Variants in SPC24 observed in about 807,000 individuals in gnomAD.
SPC24 encodes the protein kinetochore protein Spc24.
In SPC24, 31 loss-of-function variants were observed where a neutral mutation model predicts 27.6. The observed-to-expected ratio is 1.12, with a 90% CI of 0.84 to 1.52. The LOEUF is 1.52. SPC24 is among the 40% of genes most tolerant of loss of function. SPC24 has a pLI of 0.00. For synonymous variants in SPC24, 105 were observed against 105.8 expected (o/e 0.99, Z 0.05); for missense variants, 284 against 252.5 (o/e 1.12, Z -0.84).
intron 1 of SPC24, among the ~76,000 whole-genome samples, chr19:11,151,801 T>G (rs2421206): frequency 0.28 from 42,268 of 150,970 alleles, 7,084 homozygotes; most frequent in South Asian, 0.42. Context: ...CCGGAGACGG[T>G]GTTTCACCAT....
At position 11,147,873 on chromosome 19, in the gene SPC24, G is replaced by A. The variant is rs2077838536; in HGVS notation, c.432C>T (p.His144=). ...PSAVYVAQLY[H]QVSKIEWDYE... ...AATCCCACTCAATTTTACTAACTTGGTGGTAAAGTTGAGCCACGTACCTGT... is the reference window on the plus strand; with the variant it reads ...AATCCCACTCAATTTTACTAACTTGATGGTAAAGTTGAGCCACGTACCTGT... Residue 144 remains histidine (H), a synonymous_variant, in exon 4 of 5, where the codon CAC becomes CAT. Transcript: ENST00000592540. 1.9e-6 allele frequency: 3 copies of A among 1,599,044 alleles called. No individual in the cohort carries two copies. Among genetic ancestry groups the A allele is most frequent in the Non-Finnish European group, 2.6e-6 (3 of 1,172,272 alleles).
At chr19:11,154,785 C>T (rs1339490919) in intron 1 of SPC24, among the ~76,000 whole-genome samples, 1 of 152,042 alleles carries the variant, frequency 6.6e-6, no homozygotes, top group East Asian at 1.9e-4. Context: ...TTCATGGGGA[C>T]AGAGCTTCAG....
At position 11,155,728 on chromosome 19, in the gene SPC24, G is replaced by T. The variant is rs766995641; in HGVS notation, c.49C>A (p.Leu17Met). ...GCCTCCGCGCGGTTGGCGCCCAGCA[G>T]GCTGAGCAGCCCCTGGCTCACCTCC... ...IEEVSQGLLS[L>M]LGANRAEAQQ... Residue 17 changes from leucine (L) to methionine (M), a missense_variant, in exon 1 of 5, where the codon CTG becomes ATG. Transcript: ENST00000592540. 6.3e-7 allele frequency: 1 copy of T among 1,580,590 alleles called. No individual in the cohort carries two copies. The highest frequency in any genetic ancestry group is 1.4e-5 in the African/African-American group (1 of 73,890).
rs1348449055 is a variant in SPC24 at position 11,146,780 on chromosome 19, A to T, written c.*403T>A. The stretch of plus-strand genomic sequence containing the variant: ...GAGACTCCGTCTCAAAAAAAAAAAA[A>T]AAAGGAAGACGTCTAGCTGGGCACG... On this transcript the variant is annotated 3_prime_UTR_variant, in exon 5 of 5. Transcript: ENST00000592540. 1 of 152,152 alleles carries T rather than the reference A, an allele frequency of 6.6e-6. No homozygotes were observed. Among genetic ancestry groups the T allele is most frequent in the Non-Finnish European group, 1.5e-5 (1 of 68,886 alleles). 9.4% of individuals were successfully genotyped at this position (152,152 alleles called of 1,614,324 possible).
In SPC24 at chr19:11,146,754, TGA is replaced by T. The variant is rs1568629683; in HGVS notation, c.*427_*428del. ...CTGCACTCCAGCCTGGGCGACAGAGTGAGACTCCGTCTCAAAAAAAAAAAAAA... is the reference window on the plus strand; with the variant it reads ...CTGCACTCCAGCCTGGGCGACAGAGTGACTCCGTCTCAAAAAAAAAAAAAA... On this transcript the variant is annotated 3_prime_UTR_variant, in exon 5 of 5. Transcript: ENST00000592540. 8.1e-6 allele frequency: 1 copy of T among 123,562 alleles called. No individual in the cohort carries two copies. Among genetic ancestry groups the T allele is most frequent in the Admixed American group, 9.5e-5 (1 of 10,542 alleles). The allele number at this position is 123,562 out of a possible 1,614,324, so 7.7% of individuals were successfully genotyped here.
Position 11,149,490 on chromosome 19 carries a change from C to T in SPC24, c.161-252G>A, listed in dbSNP as rs2077854032. The T allele has an allele frequency of 1.1e-5, 3 of 278,864 alleles. No homozygotes were observed. In the East Asian group the frequency reaches 1.9e-4, roughly 17 times the overall value. 17.3% of individuals were successfully genotyped at this position (278,864 alleles called of 1,614,324 possible). A position where few individuals can be genotyped will look rare whatever the true frequency, so the allele number is the denominator to read the frequency against. ...GTTGGCCAGGCATGGTGGCTCATGC[C>T]TGTAATCCCAGCACTTTGGGAGCCT... On this transcript the variant is annotated intron_variant, in intron 1 of 4. Coordinates refer to ENST00000592540, the MANE Select transcript of SPC24 (RefSeq NM_182513.4).
chr19:11,145,609 A>G lies in SPC24; in HGVS notation c.*1574T>C, dbSNP rs4804147. On this transcript the variant is annotated 3_prime_UTR_variant, in exon 5 of 5. Transcript: ENST00000592540. Reference sequence around the variant, plus strand: ...TTCTCCCCTTCTCTCTCCCATTTAAATAAGTTTGTGCTGATATCTGGCTCT... The same window carrying G: ...TTCTCCCCTTCTCTCTCCCATTTAAGTAAGTTTGTGCTGATATCTGGCTCT... The G allele has an allele frequency of 0.34, 52,192 of 152,036 alleles. 10,979 individuals carry two copies. The highest frequency in any genetic ancestry group is 0.46 in the Non-Finnish European group (31,097 of 67,970). 9.4% of individuals were successfully genotyped at this position (152,036 alleles called of 1,614,324 possible). A position where few individuals can be genotyped will look rare whatever the true frequency, so the allele number is the denominator to read the frequency against.
intron 4 of SPC24, 99 bp from the exon 5 acceptor site, chr19:11,147,388 T>A: frequency 1.3e-6 from 1 of 790,472 alleles, no homozygotes; most frequent in Non-Finnish European, 2.0e-6. Context: ...TGAGACAAAG[T>A]TTCATTCTGT....
chr19:11,147,928 A>G (rs1332602378), intron 3 of SPC24, 34 bp from the exon 4 acceptor site: 2 of 690,832 alleles, frequency 2.9e-6, no homozygotes, highest in African/African-American at 2.1e-5. Context: ...AAAAAAAAAA[A>G]AAGAAAGTTA....
chr19:11,153,999 A>AG (rs976819634), intron 1 of SPC24, among the ~76,000 whole-genome samples: 1 of 151,502 alleles, frequency 6.6e-6, no homozygotes, highest in African/African-American at 2.4e-5. Context: ...GCGTGAACCC[A>AG]GGAGACGCAG....
chr19:11,147,915 AAAAAAAAAAAAAAAAG>A (rs767083946), intron 3 of SPC24, 21 bp from the exon 4 acceptor site: 171 of 1,028,330 alleles, frequency 1.7e-4, no homozygotes, highest in Admixed American at 4.2e-4. Context: ...AGACAAAAAA[AAAAAAAAAAAAAAAAG>A]AAAGTTACCC....
chr19:11,150,185 CAAAAAAAAAAAA>C (rs770061574), intron 1 of SPC24, among the ~76,000 whole-genome samples: 4 of 32,276 alleles, frequency 1.2e-4, no homozygotes, highest in South Asian at 1.3e-3. Context: ...AACTCCATCT[CAAAAAAAAAAAA>C]AAAAAAAAAA....
rs1015566219 is a variant in SPC24 at position 11,145,682 on chromosome 19, C to T, written c.*1501G>A. ...CCTGTCATCCCTAAAGGACGGCACT[C>T]GTCTGTACACGTGGCAGTATGGCTG... is the stretch of plus-strand genomic sequence containing the variant. On this transcript the variant is annotated 3_prime_UTR_variant, in exon 5 of 5. Coordinates refer to ENST00000592540, the MANE Select transcript of SPC24 (RefSeq NM_182513.4). 5.9e-5 allele frequency: 9 copies of T among 152,170 alleles called. No individual in the cohort carries two copies. Among genetic ancestry groups the T allele is most frequent in the Non-Finnish European group, 8.8e-5 (6 of 68,048 alleles). The allele number at this position is 152,170 out of a possible 1,614,324, so 9.4% of individuals were successfully genotyped here. A position where few individuals can be genotyped will look rare whatever the true frequency, so the allele number is the denominator to read the frequency against.
At position 11,147,175 on chromosome 19, in the gene SPC24, G is replaced by A. The variant is rs557924675; in HGVS notation, c.*8C>T. On this transcript the variant is annotated 3_prime_UTR_variant, in exon 5 of 5. Coordinates refer to ENST00000592540, the MANE Select transcript of SPC24 (RefSeq NM_182513.4). ...GCTGGGTGCAAGACGCAGCCACGAGGCTCCTGGCTACCACTCGGTGTCCAC... is the reference window on the plus strand; with the variant it reads ...GCTGGGTGCAAGACGCAGCCACGAGACTCCTGGCTACCACTCGGTGTCCAC... The A allele has an allele frequency of 3.5e-5, 54 of 1,535,874 alleles. No individual in the cohort carries two copies. In the South Asian group the frequency reaches 5.1e-4, roughly 15 times the overall value.
chr19:11,149,058 T>C, intron 2 of SPC24, 36 bp downstream of exon 2: 2 of 1,448,580 alleles, frequency 1.4e-6, no homozygotes, highest in Non-Finnish European at 1.8e-6. Context: ...TATGCGTGTT[T>C]TCTAGCAAGG....
chr19:11,149,652 G>A (rs1184716511), intron 1 of SPC24, among the ~76,000 whole-genome samples: 4 of 151,966 alleles, frequency 2.6e-5, no homozygotes, highest in Admixed American at 2.0e-4. Flanking sequence ...AGGCCGAAGT[G>A]GGCAGATCAC....
At chr19:11,148,597 C>T (rs111622889) in intron 2 of SPC24, among the ~76,000 whole-genome samples, 1,855 of 151,974 alleles carry the variant, frequency 0.012, 15 homozygotes, top group Non-Finnish European at 0.019. Context: ...CCTCCCACCT[C>T]GGCCTCCCAA....
At chr19:11,150,485 T>TA (rs34786681) in intron 1 of SPC24, among the ~76,000 whole-genome samples, 15,960 of 139,272 alleles carry the variant, frequency 0.11, 952 homozygotes, top group African/African-American at 0.16. Context: ...GACTCCATCT[T>TA]AAAAAAAAAA....
At chr19:11,153,930 C>A (rs1316386795) in intron 1 of SPC24, among the ~76,000 whole-genome samples, 1 of 150,874 alleles carries the variant, frequency 6.6e-6, no homozygotes, top group Non-Finnish European at 1.5e-5. Flanking sequence ...AAATATTAGC[C>A]GGGCGTGGTG....
Sources: gnomAD v4.1 joint callset for allele counts (sites outside exome capture counted in the v4.1 genomes callset) on GRCh38, gnomAD v4.1.1 for gene constraint, MANE v1.5 for transcripts, NCBI Gene and HGNC (gene_info 2026-07-23, HGNC 2026-07-21) for gene names.